Variants in MACROD2 observed in about 807,000 individuals in gnomAD.
The protein encoded by MACROD2 is ADP-ribose glycohydrolase MACROD2.
In MACROD2, 36 loss-of-function variants were observed where a neutral mutation model predicts 70.4. The ratio of observed to expected loss-of-function variants is 0.51; its 90% CI spans 0.39 to 0.68. The LOEUF (loss-of-function observed/expected upper bound fraction) is 0.68, where lower values mean the gene tolerates loss of function less well. Among genes scored for constraint, MACROD2 ranks in the 30% least tolerant of loss-of-function variants. The probability of loss-of-function intolerance (pLI) is 0.00; values close to 1 mark genes in which losing one functional copy is unlikely to be tolerated. For missense variants in MACROD2, 496 were observed against 538.4 expected, an observed-to-expected ratio of 0.92 and a Z score of 0.78; for synonymous variants, 172 against 178.8, an observed-to-expected ratio of 0.96 and a Z score of 0.30.
intron 5 of MACROD2, among the ~76,000 whole-genome samples, chr20:15,183,202 T>C (rs77873405): frequency 0.022 from 3,332 of 152,156 alleles, 106 homozygotes; most frequent in African/African-American, 0.071. Context: ...GTCATAAAAA[T>C]AATCACAGAA....
intron 8 of MACROD2, among the ~76,000 whole-genome samples, chr20:15,616,250 T>TA (rs2049037594): frequency 1.3e-5 from 2 of 152,022 alleles, no homozygotes; most frequent in Middle Eastern, 6.8e-3. Flanking sequence ...ATTACAGGTG[T>TA]ATGCCACGAC....
chr20:14,758,718 T>G (rs204096), intron 5 of MACROD2, among the ~76,000 whole-genome samples: 11,712 of 152,140 alleles, frequency 0.077, 542 homozygotes, highest in Middle Eastern at 0.22. Context: ...GTGGATCCTA[T>G]CATTGGAATT....
At chr20:15,116,535 C>T (rs111568471) in intron 5 of MACROD2, among the ~76,000 whole-genome samples, 33,250 of 152,056 alleles carry the variant, frequency 0.22, 4,884 homozygotes, top group Non-Finnish European at 0.33. Flanking sequence ...ATCCCAGCTA[C>T]TTGGGAGGCT....
At chr20:14,874,049 G>C (rs780879983) in intron 5 of MACROD2, among the ~76,000 whole-genome samples, 16 of 151,952 alleles carry the variant, frequency 1.1e-4, no homozygotes, top group Admixed American at 2.6e-4. Context: ...AGACGTGTTA[G>C]GCCAGATAAT....
At chr20:14,972,071 A>C (rs1368668663) in intron 5 of MACROD2, among the ~76,000 whole-genome samples, 1 of 152,226 alleles carries the variant, frequency 6.6e-6, no homozygotes, top group African/African-American at 2.4e-5. Context: ...TACCCTCACT[A>C]TCTGCCTAAA....
At chr20:15,699,256 G>A (rs764781944) in intron 8 of MACROD2, among the ~76,000 whole-genome samples, 25 of 152,156 alleles carry the variant, frequency 1.6e-4, no homozygotes, top group African/African-American at 5.8e-4. Flanking sequence ...ATATTTTTTC[G>A]TCCCATGGGG....
chr20:15,302,278 A>G (rs2077652572), intron 6 of MACROD2, among the ~76,000 whole-genome samples: 1 of 151,990 alleles, frequency 6.6e-6, no homozygotes, highest in African/African-American at 2.4e-5. Context: ...TCTTCTGGTG[A>G]TCAAATGCAT....
intron 8 of MACROD2, among the ~76,000 whole-genome samples, chr20:15,691,337 C>A (rs1405340212): frequency 1.3e-5 from 2 of 152,178 alleles, no homozygotes; most frequent in Non-Finnish European, 2.9e-5. Flanking sequence ...CATCTATTTA[C>A]TCAACTATCC....
At chr20:14,464,910 T>C (rs552088895) in intron 3 of MACROD2, among the ~76,000 whole-genome samples, 2 of 152,288 alleles carry the variant, frequency 1.3e-5, no homozygotes, top group Non-Finnish European at 2.9e-5. Flanking sequence ...CAGTTTGTTA[T>C]AATTTCTATT....
intron 8 of MACROD2, among the ~76,000 whole-genome samples, chr20:15,660,845 T>G (rs2049811161): frequency 1.9e-5 from 2 of 107,540 alleles, no homozygotes; most frequent in South Asian, 7.6e-4. Context: ...TAATTGGATT[T>G]CATTCTTTTT....
At chr20:15,128,965 C>A (rs1237752103) in intron 5 of MACROD2, among the ~76,000 whole-genome samples, 1 of 151,602 alleles carries the variant, frequency 6.6e-6, no homozygotes, top group Non-Finnish European at 1.5e-5. Context: ...ATGCTTCCTT[C>A]TTGTTTGTGG....
intron 8 of MACROD2, among the ~76,000 whole-genome samples, chr20:15,751,888 T>G (rs1444017363): frequency 1.3e-5 from 2 of 151,362 alleles, no homozygotes; most frequent in Admixed American, 1.3e-4. Context: ...GTTTTTTTTT[T>G]CAGTCAGTGT....
chr20:14,526,682 C>G (rs948106885), intron 4 of MACROD2, among the ~76,000 whole-genome samples: 2 of 152,168 alleles, frequency 1.3e-5, no homozygotes, highest in African/African-American at 2.4e-5. Context: ...GTTCCCTTGT[C>G]CCCCTCACAG....
At chr20:15,350,149 C>T (rs938986535) in intron 6 of MACROD2, among the ~76,000 whole-genome samples, 1 of 152,134 alleles carries the variant, frequency 6.6e-6, no homozygotes, top group African/African-American at 2.4e-5. Context: ...AGAGTGAATA[C>T]CTTTGGCTGC....
At position 15,172,714 on chromosome 20, in the gene MACROD2, T is replaced by C. The variant is rs1209682378; in HGVS notation, c.419-57226T>C. Among the ~76,000 whole-genome samples the C allele has an allele frequency of 3.9e-5, 6 of 152,236 alleles. No homozygotes were observed. In the East Asian group the frequency reaches 1.2e-3, roughly 29 times the overall value. ...CGTGAGCCCCTCACTTGGCAAAACT[T>C]GTAAATCTTTATGGAGTGCCTCTCT... is the stretch of plus-strand genomic sequence containing the variant. On this transcript the variant is annotated intron_variant, in intron 5 of 17. Transcript: ENST00000684519.
At chr20:14,299,784 C>T (rs988208986) in intron 3 of MACROD2, among the ~76,000 whole-genome samples, 7 of 152,248 alleles carry the variant, frequency 4.6e-5, no homozygotes, top group Admixed American at 1.3e-4. Context: ...TTGTGGAATC[C>T]TCTGAACAGA....
intron 3 of MACROD2, among the ~76,000 whole-genome samples, chr20:14,215,751 C>A (rs2081616741): frequency 6.6e-6 from 1 of 152,116 alleles, no homozygotes; most frequent in African/African-American, 2.4e-5. Context: ...ATTTGCATTT[C>A]CCTGATCATT....
chr20:14,610,874 C>T (rs868353327), intron 4 of MACROD2, among the ~76,000 whole-genome samples: 2 of 151,862 alleles, frequency 1.3e-5, no homozygotes, highest in Non-Finnish European at 2.9e-5. Context: ...AAGGTATACT[C>T]GATAATGATG....
intron 2 of MACROD2, among the ~76,000 whole-genome samples, chr20:14,009,341 A>C (rs1332083851): frequency 6.6e-6 from 1 of 152,240 alleles, no homozygotes; most frequent in Non-Finnish European, 1.5e-5. Context: ...ACATGTGGCC[A>C]ACAAACATAT....
Sources: gnomAD v4.1 joint callset for allele counts (sites outside exome capture counted in the v4.1 genomes callset) on GRCh38, gnomAD v4.1.1 for gene constraint, MANE v1.5 for transcripts, NCBI Gene and HGNC (gene_info 2026-07-23, HGNC 2026-07-21) for gene names.